Variants in GALNT14 observed in about 807,000 individuals in gnomAD.
The protein encoded by GALNT14 is UDP-GalNAc:polypeptide N-acetylgalactosaminyltransferase 14.
GALNT14 carries 60 observed loss-of-function variants against 77.5 expected under a neutral mutation model. That is an observed-to-expected ratio of 0.77 (90% CI 0.63 to 0.96). GALNT14 has a LOEUF of 0.96. Ranked by LOEUF, GALNT14 falls within the 40% of genes least tolerant of loss-of-function variation. The pLI is 0.00. For missense variants in GALNT14, 710 were observed against 731.0 expected, an observed-to-expected ratio of 0.97 and a Z score of 0.33; for synonymous variants, 280 against 281.7, an observed-to-expected ratio of 0.99 and a Z score of 0.06.
At chr2:30,904,922 A>G in the GALNT14 span, among the ~76,000 whole-genome samples, 1 of 151,974 alleles carries the variant, frequency 6.6e-6, no homozygotes, top group Non-Finnish European at 1.5e-5. Flanking sequence ...TGAGCAGCCT[A>G]ACTGGGAGGC....
Position 30,955,734 on chromosome 2 carries a change from C to A in GALNT14, c.538G>T (p.Val180Phe). 1 of 1,614,110 alleles carries A rather than the reference C, an allele frequency of 6.2e-7. No individual in the cohort carries two copies. Among genetic ancestry groups the A allele is most frequent in the South Asian group, 1.1e-5 (1 of 91,082 alleles). The change falls in exon 6 of 15, where the codon GTC becomes TTC. Residue 180 changes from valine (V) to phenylalanine (F), a missense_variant. By Grantham distance (50) the Val-to-Phe change is conservative. Coordinates refer to ENST00000349752, the MANE Select transcript of GALNT14 (RefSeq NM_024572.4). Reference sequence around the variant, plus strand: ...TCAGCGCCCCGAATCCGGGACCGGACCAGACCTGCAGTCAGGAACAAATGA... The same window carrying A: ...TCAGCGCCCCGAATCCGGGACCGGAACAGACCTGCAGTCAGGAACAAATGA... ...CLRNNERQGL[V>F]RSRIRGADIA... is the part of the protein sequence containing the mutation.
intron 1 of GALNT14, among the ~76,000 whole-genome samples, chr2:31,087,022 G>A (rs931995053): frequency 1.3e-5 from 2 of 152,208 alleles, no homozygotes; most frequent in Admixed American, 6.5e-5. Context: ...AGGCAGCATG[G>A]GGGAATGTGG....
chr2:31,035,836 C>A (rs1285086234), intron 1 of GALNT14, among the ~76,000 whole-genome samples: 1 of 151,822 alleles, frequency 6.6e-6, no homozygotes, highest in Non-Finnish European at 1.5e-5. Flanking sequence ...TAGAGGGTAA[C>A]AATAGACACT....
downstream of GALNT14, among the ~76,000 whole-genome samples, chr2:30,908,772 CA>C (rs1389338168): frequency 7.3e-6 from 1 of 137,770 alleles, no homozygotes; most frequent in Non-Finnish European, 1.5e-5. Flanking sequence ...GCCAAAAGAA[CA>C]AAGCTGGAGG....
chr2:30,995,973 T>A (rs1278022182), intron 1 of GALNT14, among the ~76,000 whole-genome samples: 2 of 152,200 alleles, frequency 1.3e-5, no homozygotes, highest in Non-Finnish European at 2.9e-5. Context: ...GGAAAAGCCA[T>A]GTCGCAGCTC....
chr2:31,079,382 G>A (rs1253909819), intron 1 of GALNT14, among the ~76,000 whole-genome samples: 2 of 152,166 alleles, frequency 1.3e-5, no homozygotes, highest in East Asian at 3.9e-4. Flanking sequence ...TCTGGGGGTG[G>A]CCAACCCGGA....
intron 1 of GALNT14, among the ~76,000 whole-genome samples, chr2:31,004,913 C>T (rs1670576559): frequency 6.6e-6 from 1 of 152,158 alleles, no homozygotes; most frequent in Non-Finnish European, 1.5e-5. Flanking sequence ...AGGTATCTAG[C>T]AGGGGTCATG....
chr2:31,020,990 G>A (rs953572035), intron 1 of GALNT14, among the ~76,000 whole-genome samples: 30 of 152,160 alleles, frequency 2.0e-4, no homozygotes, highest in Admixed American at 6.5e-5. Flanking sequence ...TCTCAGCCAC[G>A]CAGCCCCTTC....
intron 2 of GALNT14, among the ~76,000 whole-genome samples, chr2:30,979,268 C>T (rs78224996): frequency 0.022 from 3,383 of 152,296 alleles, 145 homozygotes; most frequent in East Asian, 0.21. Context: ...AGAGATATCT[C>T]AGAGGAGACA....
rs139253044 is a variant in GALNT14, at chr2:31,004,503, G to T, written c.130-11496C>A. Among the ~76,000 whole-genome samples, 291 of 152,326 alleles carry T rather than the reference G, an allele frequency of 1.9e-3. 3 individuals are homozygous for T. Among genetic ancestry groups the T allele is most frequent in the Admixed American group, 0.012 (185 of 15,308 alleles). ...TGCTGAAACATGCTGTCTCTGGTGTGCACAGTTGAGCCATCTTGGATGCAG... is the reference window on the plus strand; with the variant it reads ...TGCTGAAACATGCTGTCTCTGGTGTTCACAGTTGAGCCATCTTGGATGCAG... On this transcript the variant is annotated intron_variant, in intron 1 of 14. Transcript: ENST00000349752.
intron 1 of GALNT14, among the ~76,000 whole-genome samples, chr2:31,066,213 C>G (rs1674947399): frequency 6.6e-6 from 1 of 152,154 alleles, no homozygotes; most frequent in South Asian, 2.1e-4. Flanking sequence ...GCATCGGCTC[C>G]TCAGCTGAGC....
intron 13 of GALNT14, among the ~76,000 whole-genome samples, chr2:30,922,088 G>A (rs1665066173): frequency 6.6e-6 from 1 of 152,234 alleles, no homozygotes; most frequent in East Asian, 1.9e-4. Flanking sequence ...AGGGTCATGG[G>A]AGAAGGGGGT....
chr2:30,894,470 A>G, the GALNT14 span, among the ~76,000 whole-genome samples: 1 of 152,234 alleles, frequency 6.6e-6, no homozygotes, highest in Non-Finnish European at 1.5e-5. Context: ...TGCCACAGAA[A>G]TACAGAATTC....
intron 1 of GALNT14, among the ~76,000 whole-genome samples, chr2:31,039,382 A>G (rs1404677709): frequency 2.0e-5 from 3 of 152,238 alleles, no homozygotes; most frequent in African/African-American, 7.2e-5. Context: ...CAGAAAAACC[A>G]TTGAGGTAGA....
chr2:31,002,283 A>C (rs1242510109), intron 1 of GALNT14, among the ~76,000 whole-genome samples: 1 of 151,950 alleles, frequency 6.6e-6, no homozygotes, highest in Non-Finnish European at 1.5e-5. Flanking sequence ...TACAAAAATT[A>C]CCCGGGCGTG....
At chr2:30,933,214 C>A (rs1403384642) in intron 9 of GALNT14, among the ~76,000 whole-genome samples, 1 of 152,090 alleles carries the variant, frequency 6.6e-6, no homozygotes, top group Non-Finnish European at 1.5e-5. Context: ...GATAATGTAC[C>A]CCCTAACTGA....
intron 1 of GALNT14, among the ~76,000 whole-genome samples, chr2:31,016,452 G>A (rs74547744): frequency 0.024 from 3,613 of 152,198 alleles, 132 homozygotes; most frequent in African/African-American, 0.083. Flanking sequence ...TCCTTACAGA[G>A]CTTCCTAGAA....
chr2:30,936,308 G>C (rs1666056121), intron 9 of GALNT14, among the ~76,000 whole-genome samples: 1 of 152,006 alleles, frequency 6.6e-6, no homozygotes, highest in African/African-American at 2.4e-5. Context: ...GGAATTCAGG[G>C]GAGAAGGAGC....
At chr2:30,897,442 G>A in the GALNT14 span, among the ~76,000 whole-genome samples, 18 of 152,326 alleles carry the variant, frequency 1.2e-4, no homozygotes, top group African/African-American at 4.3e-4. Flanking sequence ...CAGGTGCCAG[G>A]CTGAAGAGAG....
Sources: gnomAD v4.1 joint callset for allele counts (sites outside exome capture counted in the v4.1 genomes callset) on GRCh38, gnomAD v4.1.1 for gene constraint, MANE v1.5 for transcripts, NCBI Gene and HGNC (gene_info 2026-07-23, HGNC 2026-07-21) for gene names.